Variants in GMDS observed in about 807,000 individuals in gnomAD.
The protein encoded by GMDS is GDP-mannose 4,6-dehydratase.
A neutral mutation model predicts 49.9 loss-of-function variants in GMDS; 20 were observed. The ratio of observed to expected loss-of-function variants is 0.40; its 90% CI spans 0.28 to 0.58. The LOEUF is 0.58. Ranked by LOEUF, GMDS falls within the 20% of genes least tolerant of loss-of-function variation. The pLI is 0.42. For synonymous variants in GMDS, 177 were observed against 178.6 expected (o/e 0.99, Z 0.07); for missense variants, 362 against 481.4 (o/e 0.75, Z 2.32).
chr6:1,875,179 GA>G (rs1443435259), intron 7 of GMDS, among the ~76,000 whole-genome samples: 1 of 152,058 alleles, frequency 6.6e-6, no homozygotes, highest in Non-Finnish European at 1.5e-5. Context: ...CAAGTCCTTT[GA>G]AGTTAATAAA....
At chr6:2,140,335 T>C (rs1453448038) in intron 1 of GMDS, among the ~76,000 whole-genome samples, 1 of 151,992 alleles carries the variant, frequency 6.6e-6, no homozygotes, top group Non-Finnish European at 1.5e-5. Flanking sequence ...CCACTAGAAG[T>C]TAGAAGAAGA....
At chr6:1,959,806 A>G in intron 6 of GMDS, 61 bp downstream of exon 6, 1 of 965,950 alleles carries the variant, frequency 1.0e-6, no homozygotes, top group Middle Eastern at 2.1e-4. Context: ...CCAAATAGAC[A>G]TGCAACTTGT....
chr6:1,688,101 G>C (rs1271990976), intron 9 of GMDS, among the ~76,000 whole-genome samples: 1 of 152,198 alleles, frequency 6.6e-6, no homozygotes, highest in Non-Finnish European at 1.5e-5. Context: ...GGGCTTGGGA[G>C]GCTGGTGAGA....
chr6:1,773,470 TG>T (rs146938637), intron 7 of GMDS, among the ~76,000 whole-genome samples: 7,136 of 152,316 alleles, frequency 0.047, 184 homozygotes, highest in Non-Finnish European at 0.059. Flanking sequence ...TGGGGATGCC[TG>T]GGGACTACAA....
At chr6:1,980,258 A>T (rs963747243) in intron 4 of GMDS, among the ~76,000 whole-genome samples, 1 of 152,068 alleles carries the variant, frequency 6.6e-6, no homozygotes, top group Non-Finnish European at 1.5e-5. Flanking sequence ...CAAGCTGGAT[A>T]AAAAAACAAG....
intron 9 of GMDS, among the ~76,000 whole-genome samples, chr6:1,650,090 C>T (rs1470385529): frequency 1.3e-5 from 2 of 152,176 alleles, no homozygotes; most frequent in South Asian, 2.1e-4. Context: ...CAATGCTGGC[C>T]GTAATCATCT....
At chr6:2,063,200 A>G (rs1421589765) in intron 4 of GMDS, among the ~76,000 whole-genome samples, 1 of 152,226 alleles carries the variant, frequency 6.6e-6, no homozygotes, top group African/African-American at 2.4e-5. Context: ...AAGATAAATC[A>G]CTACCCCTGT....
chr6:1,882,457 G>A (rs932826469), intron 7 of GMDS, among the ~76,000 whole-genome samples: 12 of 152,168 alleles, frequency 7.9e-5, no homozygotes, highest in Admixed American at 2.0e-4. Flanking sequence ...AAACCAAAGT[G>A]TAATGAGAGG....
chr6:1,750,205 T>TTTA (rs1767665086), intron 7 of GMDS, among the ~76,000 whole-genome samples: 1 of 152,210 alleles, frequency 6.6e-6, no homozygotes, highest in South Asian at 2.1e-4. Context: ...TTAACTTTAT[T>TTTA]ATTTTTCTTG....
At chr6:1,843,708 C>T (rs143949521) in intron 7 of GMDS, among the ~76,000 whole-genome samples, 32 of 152,312 alleles carry the variant, frequency 2.1e-4, no homozygotes, top group African/African-American at 5.5e-4. Flanking sequence ...GTGGAGGTTG[C>T]GCTGAGCAGA....
chr6:1,668,721 C>G (rs931019418), intron 9 of GMDS, among the ~76,000 whole-genome samples: 1 of 141,308 alleles, frequency 7.1e-6, no homozygotes, highest in African/African-American at 2.5e-5. Context: ...AACAAACAAA[C>G]AAACAAAAAA....
chr6:2,150,526 A>G (rs1379144671), intron 1 of GMDS, among the ~76,000 whole-genome samples: 8 of 152,218 alleles, frequency 5.3e-5, no homozygotes, highest in Non-Finnish European at 1.2e-4. Flanking sequence ...GATTAGCTTT[A>G]CCATTTATAA....
chr6:1,730,771 A>G (rs2113454012), intron 8 of GMDS, among the ~76,000 whole-genome samples: 1 of 152,330 alleles, frequency 6.6e-6, no homozygotes, highest in South Asian at 2.1e-4. Context: ...ATAATAAAAT[A>G]GCCACAAGAT....
chr6:1,941,696 T>C (rs1436998696), intron 6 of GMDS, among the ~76,000 whole-genome samples: 2 of 152,060 alleles, frequency 1.3e-5, no homozygotes, highest in Admixed American at 1.3e-4. Flanking sequence ...CCTCTTTGCA[T>C]GCTGAGGGAA....
At chr6:1,684,941 C>T (rs1205364629) in intron 9 of GMDS, among the ~76,000 whole-genome samples, 1 of 152,082 alleles carries the variant, frequency 6.6e-6, no homozygotes, top group Non-Finnish European at 1.5e-5. Flanking sequence ...GCCACTGAAG[C>T]CACAATGATG....
intron 1 of GMDS, among the ~76,000 whole-genome samples, chr6:2,202,582 G>C (rs965133412): frequency 6.6e-6 from 1 of 152,112 alleles, no homozygotes; most frequent in Non-Finnish European, 1.5e-5. Context: ...AGAGAATGGA[G>C]TTAATTGATG....
chr6:1,786,696 G>A (rs563163745), intron 7 of GMDS, among the ~76,000 whole-genome samples: 1 of 152,324 alleles, frequency 6.6e-6, no homozygotes, highest in African/African-American at 2.4e-5. Context: ...CACACTCCCA[G>A]GAGCCTGGTT....
At chr6:2,227,829 C>T (rs1252228488) in intron 1 of GMDS, among the ~76,000 whole-genome samples, 3 of 152,184 alleles carry the variant, frequency 2.0e-5, no homozygotes. Flanking sequence ...GTGCAGCTGC[C>T]CAGGACTCCC....
At chr6:2,155,679 C>T (rs1342366803) in intron 1 of GMDS, among the ~76,000 whole-genome samples, 1 of 152,102 alleles carries the variant, frequency 6.6e-6, no homozygotes, top group Non-Finnish European at 1.5e-5. Context: ...TAATGGAGCA[C>T]TCTGGGATAC....
Sources: gnomAD v4.1 joint callset for allele counts (sites outside exome capture counted in the v4.1 genomes callset) on GRCh38, gnomAD v4.1.1 for gene constraint, MANE v1.5 for transcripts, NCBI Gene and HGNC (gene_info 2026-07-23, HGNC 2026-07-21) for gene names.